The following AARSD1 variants were observed in gnomAD, a reference collection of about 807,000 sequenced individuals.
AARSD1 encodes alanyl-tRNA editing protein Aarsd1.
A neutral mutation model predicts 48.7 loss-of-function variants in AARSD1; 44 were observed. The ratio of observed to expected loss-of-function variants is 0.90; its 90% confidence interval spans 0.71 to 1.16. AARSD1 has a LOEUF of 1.16. AARSD1 is among the 50% of genes most tolerant of loss of function. The pLI is 0.00. For missense variants in AARSD1, 511 were observed against 523.1 expected (o/e 0.98, Z 0.23); for synonymous variants, 189 against 194.9 (o/e 0.97, Z 0.25).
At chr17:42,964,306 CA>C (rs2049682771) in intron 1 of AARSD1, 69 bp from the exon 2 acceptor site, 3 of 1,608,738 alleles carry the variant, frequency 1.9e-6, no homozygotes, top group Non-Finnish European at 2.5e-6. Flanking sequence ...CACACCAGGA[CA>C]GAATGCCATG....
chr17:42,952,109 A>G (rs1440570611), intron 10 of AARSD1: 27 of 545,826 alleles, frequency 4.9e-5, no homozygotes, highest in Non-Finnish European at 8.8e-5. Context: ...AAACATTAAG[A>G]AGGCAGCAGA....
intron 3 of AARSD1, among the ~76,000 whole-genome samples, chr17:42,958,023 T>C (rs975872165): frequency 6.6e-6 from 1 of 151,890 alleles, no homozygotes; most frequent in African/African-American, 2.4e-5. Flanking sequence ...AATCCAGAGA[T>C]GACAAGCAAG....
At position 42,964,218 on chromosome 17, in the gene AARSD1, G is replaced by A; in HGVS notation, c.59C>T (p.Ser20Phe). 6.2e-7 allele frequency: 1 copy of A among 1,614,174 alleles called. No homozygotes were observed. The highest frequency in any genetic ancestry group is 1.1e-5 in the South Asian group (1 of 91,076). Residue 20 changes from serine (S) to phenylalanine (F), a missense_variant, in exon 2 of 12, where the codon TCC becomes TTC. Coordinates refer to ENST00000427569, the MANE Select transcript of AARSD1 (RefSeq NM_001261434.2). ...AGTCTGCAGCTCCGCGGGACAGCAG[G>A]AGACCACGGTGGTGGTGAACTGAAC... ...YAREFTTTVV[S>F]CCPAELQTEG... is the part of the protein sequence containing the mutation.
intron 10 of AARSD1, chr17:42,952,247 C>T: frequency 3.3e-6 from 1 of 305,776 alleles, no homozygotes; most frequent in Non-Finnish European, 6.3e-6. Flanking sequence ...GCCGCCTCTG[C>T]CCCTTGTCTG....
chr17:42,962,177 G>A (rs186524013), intron 2 of AARSD1: 98 of 270,534 alleles, frequency 3.6e-4, no homozygotes, highest in African/African-American at 2.1e-3. Flanking sequence ...GTGCACACCT[G>A]TAGTCCTAGC....
intron 3 of AARSD1, among the ~76,000 whole-genome samples, chr17:42,959,284 T>C (rs2049600174): frequency 6.7e-6 from 1 of 149,724 alleles, no homozygotes; most frequent in Admixed American, 6.6e-5. Flanking sequence ...AGTGGTGCCA[T>C]CTCAGCTCAC....
intron 10 of AARSD1, 164 bp from the exon 11 acceptor site, chr17:42,952,058 G>C (rs2049487376): frequency 2.7e-6 from 2 of 749,312 alleles, no homozygotes; most frequent in Non-Finnish European, 4.2e-6. Context: ...GGCCCACGAG[G>C]GCCAAGAAAC....
chr17:42,960,541 G>A (rs1363055128), intron 3 of AARSD1, among the ~76,000 whole-genome samples: 1 of 151,684 alleles, frequency 6.6e-6, no homozygotes, highest in African/African-American at 2.4e-5. Context: ...TGACCAATAT[G>A]GTGAAACACC....
rs2151943266 is a variant in AARSD1 at position 42,961,293 on chromosome 17, TC to T, written c.229del (p.Glu77AsnfsTer21). The T allele has an allele frequency of 6.2e-7, 1 of 1,614,124 alleles. No individual in the cohort carries two copies. The highest frequency in any genetic ancestry group is 2.2e-5 in the East Asian group (1 of 44,886). ...TGTCTGGGTGAAATGATCAGCCTGTTCCCCACGGCGAGTCACTCTCAGCACA... is the reference window on the plus strand; with the variant it reads ...TGTCTGGGTGAAATGATCAGCCTGTTCCCACGGCGAGTCACTCTCAGCACA... ...ISVLRVTRRG[E>X]QADHFTQTPL... is the part of the protein sequence containing the mutation. On this transcript the variant is annotated frameshift_variant, in exon 3 of 12. Coordinates refer to ENST00000427569, the MANE Select transcript of AARSD1 (RefSeq NM_001261434.2). LOFTEE classifies it high-confidence loss of function.
At position 42,957,185 on chromosome 17, in the gene AARSD1, G is replaced by T; in HGVS notation, c.342C>A (p.Leu114=). The part of the protein sequence containing the change: ...DHMQQHSGQH[L]ITAVADHLFK... ...ATAGATGGTCAGCAACTGCCGTGAT[G>T]AGATGCTGCCCTAAGCAAAGAGAGC... The change falls in exon 4 of 12, where the codon CTC becomes CTA. Residue 114 remains leucine, a synonymous_variant. Coordinates refer to ENST00000427569, the MANE Select transcript of AARSD1 (RefSeq NM_001261434.2). The T allele has an allele frequency of 6.2e-7, 1 of 1,613,820 alleles. No individual in the cohort carries two copies. The highest frequency in any genetic ancestry group is 8.5e-7 in the Non-Finnish European group (1 of 1,179,934).
At chr17:42,952,795 G>C (rs1256190021) in intron 10 of AARSD1, among the ~76,000 whole-genome samples, 1 of 151,962 alleles carries the variant, frequency 6.6e-6, no homozygotes, top group African/African-American at 2.4e-5. Context: ...GGCTTTCAAA[G>C]GGGCTTGCCC....
rs1402620821 is a variant in AARSD1 at position 42,955,187 on chromosome 17, G to C, written c.832C>G (p.Leu278Val). The C allele has an allele frequency of 2.5e-6, 4 of 1,614,064 alleles. No homozygotes were observed. In the South Asian group the frequency reaches 4.4e-5, roughly 18 times the overall value. The part of the protein sequence containing the change: ...AEDHVEAVKK[L>V]QNSTKILQKN... ...TGCAGGATCTTGGTGGAGTTCTGGA[G>C]CTTTTTCACTGCTTCCACATGATCC... is the stretch of plus-strand genomic sequence containing the variant. Residue 278 changes from leucine (L) to valine (V), a missense_variant, in exon 8 of 12, where the codon CTC becomes GTC. Physicochemically the swap from Leu to Val is conservative, Grantham distance 32. Transcript: ENST00000427569.
chr17:42,951,309 T>A (rs1413295343), intron 11 of AARSD1, among the ~76,000 whole-genome samples: 1 of 152,174 alleles, frequency 6.6e-6, no homozygotes, highest in Non-Finnish European at 1.5e-5. Flanking sequence ...CCCAGCACTT[T>A]GGGAGGGCAA....
chr17:42,955,449 T>A (rs550272874), intron 7 of AARSD1: 13 of 559,406 alleles, frequency 2.3e-5, no homozygotes, highest in African/African-American at 2.1e-4. Context: ...TTTTTTTTTT[T>A]TTTTTTTGAG....
chr17:42,955,925 G>A lies in AARSD1; in HGVS notation c.711C>T (p.Asn237=), dbSNP rs1426684981. 18 of 1,613,924 alleles carry A rather than the reference G, an allele frequency of 1.1e-5. No individual in the cohort carries two copies. Among genetic ancestry groups the A allele is most frequent in the Non-Finnish European group, 1.4e-5 (17 of 1,180,030 alleles). The part of the protein sequence containing the change: ...GTEKGKKNRT[N]LIFLSGNRVL... ...CCCGGTTCCCAGACAGAAATATCAG[G>A]TTGGTTCTGTTCTTTTTCCCCTTCT... The change falls in exon 7 of 12, where the codon AAC becomes AAT. Residue 237 remains asparagine, a synonymous_variant. Transcript: ENST00000427569.
intron 6 of AARSD1, 50 bp downstream of exon 6, chr17:42,956,154 C>T: frequency 3.1e-6 from 5 of 1,613,194 alleles, no homozygotes; most frequent in Non-Finnish European, 4.2e-6. Flanking sequence ...ATGTGATCCC[C>T]TCTCCCCCAA....
intron 6 of AARSD1, 36 bp downstream of exon 6, chr17:42,956,168 C>A: frequency 6.2e-7 from 1 of 1,613,654 alleles, no homozygotes; most frequent in South Asian, 1.1e-5. Flanking sequence ...CCCCCAATCC[C>A]TCTTCTCAGC....
chr17:42,964,355 C>T (rs534292542), intron 1 of AARSD1, 47 bp downstream of exon 1: 1 of 1,570,436 alleles, frequency 6.4e-7, no homozygotes, highest in Admixed American at 1.9e-5. Context: ...TTCCCCAAAC[C>T]GCCTTGCCGG....
rs769448819 is a variant in AARSD1 at position 42,964,451 on chromosome 17, G to C, written c.-11C>G. On this transcript the variant is annotated 5_prime_UTR_variant, in exon 1 of 12. Coordinates refer to ENST00000427569, the MANE Select transcript of AARSD1 (RefSeq NM_001261434.2). ...ACACCAGAACGCCATACCTGCAGGC[G>C]TGTGAGGAGGCGCACGCGCAGAGAA... 4.5e-6 allele frequency: 7 copies of C among 1,550,704 alleles called. No homozygotes were observed. Among genetic ancestry groups the C allele is most frequent in the South Asian group, 2.4e-5 (2 of 84,084 alleles).
Sources: allele counts gnomAD v4.1 joint callset (sites outside exome capture counted in the v4.1 genomes callset), GRCh38; gene constraint gnomAD v4.1.1; transcripts MANE v1.5; gene names NCBI Gene and HGNC (gene_info 2026-07-23, HGNC 2026-07-21).